Variants in DDRGK1 observed in about 807,000 individuals in gnomAD.
The protein encoded by DDRGK1 is DDRGK domain containing 1, also known as DDRGK domain-containing protein 1.
Under a neutral mutation model 45.8 loss-of-function variants are expected in DDRGK1, and 38 were observed. The ratio of observed to expected loss-of-function variants is 0.83; its 90% CI spans 0.64 to 1.09. The LOEUF is 1.09. DDRGK1 is among the 50% of genes least tolerant of loss of function. DDRGK1 has a pLI of 0.00. For synonymous variants in DDRGK1, 171 were observed against 168.7 expected, an observed-to-expected ratio of 1.01 and a Z score of -0.11; for missense variants, 403 against 419.9, an observed-to-expected ratio of 0.96 and a Z score of 0.35.
chr20:3,200,542 A>G (rs1259309632), intron 2 of DDRGK1, 88 bp from the exon 3 acceptor site: 1 of 1,213,220 alleles, frequency 8.2e-7, no homozygotes, highest in African/African-American at 1.5e-5. Flanking sequence ...CTCCCCTAAC[A>G]GGGGGATCCC....
At chr20:3,194,803 C>G in intron 6 of DDRGK1, 27 bp downstream of exon 6, 1 of 1,614,064 alleles carries the variant, frequency 6.2e-7, no homozygotes. Context: ...GGAGCTGACA[C>G]TCAGGCTCTG....
At chr20:3,191,946 C>T in intron 6 of DDRGK1, 125 bp from the exon 7 acceptor site, 1 of 802,646 alleles carries the variant, frequency 1.2e-6, no homozygotes, top group Non-Finnish European at 2.0e-6. Flanking sequence ...ACTGTACACA[C>T]TCCTGTAGGA....
rs1263038850 is a variant in DDRGK1, at chr20:3,198,711, A to AC, written c.510+1289_510+1290insG. On this transcript the variant is annotated intron_variant, in intron 4 of 8. Transcript: ENST00000354488. ...GTGGAACTCCGTTTCAAAAAAAAAAAAAAAAAAACAAAACAGAAATTCTGA... is the reference window on the plus strand; with the variant it reads ...GTGGAACTCCGTTTCAAAAAAAAAAACAAAAAAAACAAAACAGAAATTCTGA... Among the ~76,000 whole-genome samples the AC allele has an allele frequency of 2.7e-5, 4 of 145,580 alleles. No homozygotes were observed. In the South Asian group the frequency reaches 8.9e-4, roughly 32 times the overall value.
chr20:3,200,983 AC>A lies in DDRGK1; in HGVS notation c.296-530del, dbSNP rs2067035958. Among the ~76,000 whole-genome samples, 18 of 152,080 alleles carry A rather than the reference AC, an allele frequency of 1.2e-4. No homozygotes were observed. In the South Asian group the frequency reaches 3.7e-3, roughly 32 times the overall value. ...AAATTAGCTGGGTGTGGTGGCGGGCACCTGTAGTCCCAGCTACTCAGGAGGC... is the reference window on the plus strand; with the variant it reads ...AAATTAGCTGGGTGTGGTGGCGGGCACTGTAGTCCCAGCTACTCAGGAGGC... On this transcript the variant is annotated intron_variant, in intron 2 of 8. Coordinates refer to ENST00000354488, the MANE Select transcript of DDRGK1 (RefSeq NM_023935.3).
intron 2 of DDRGK1, among the ~76,000 whole-genome samples, chr20:3,202,879 C>T (rs2067046159): frequency 6.6e-6 from 1 of 152,182 alleles, no homozygotes; most frequent in Admixed American, 6.5e-5. Flanking sequence ...AAACTCTTGG[C>T]CAGGCACTCT....
intron 6 of DDRGK1, among the ~76,000 whole-genome samples, chr20:3,192,099 G>C (rs1030357306): frequency 1.5e-5 from 2 of 133,354 alleles, no homozygotes; most frequent in Non-Finnish European, 3.2e-5. Context: ...CTGCCTCATG[G>C]GCCCTGTCCT....
intron 4 of DDRGK1, among the ~76,000 whole-genome samples, chr20:3,198,586 G>A (rs1252540089): frequency 6.7e-6 from 1 of 148,426 alleles, no homozygotes; most frequent in Non-Finnish European, 1.5e-5. Context: ...TGTAATCCCA[G>A]CTACTTGGGA....
intron 6 of DDRGK1, among the ~76,000 whole-genome samples, 176 bp from the exon 7 acceptor site, chr20:3,191,997 ACACT>A (rs939829689): frequency 1.3e-4 from 19 of 146,454 alleles, no homozygotes; most frequent in Admixed American, 4.1e-4. Flanking sequence ...ACACACACAC[ACACT>A]CACTATCACC....
intron 2 of DDRGK1, among the ~76,000 whole-genome samples, chr20:3,200,846 C>G (rs947476028): frequency 3.3e-5 from 5 of 152,088 alleles, no homozygotes; most frequent in Admixed American, 1.3e-4. Context: ...CACGGTGGCT[C>G]ATGCCTGTAA....
In DDRGK1 at chr20:3,203,273, G is replaced by C. The variant is rs200427055; in HGVS notation, c.235C>G (p.Arg79Gly). 2.1e-4 allele frequency: 343 copies of C among 1,606,870 alleles called. 1 individual carries two copies. Among genetic ancestry groups the C allele is most frequent in the Admixed American group, 1.3e-3 (77 of 59,166 alleles). The stretch of plus-strand genomic sequence containing the variant: ...TCTGCCCAGGCCACCCGCTGGGCTC[G>C]ACGCTGGGCCTGTAGGCGGCTGCCC... ...DLGSRLQAQR[R>G]AQRVAWAEAD... The change falls in exon 2 of 9, where the codon CGA becomes GGA. Residue 79 changes from arginine (R) to glycine (G), a missense_variant. By Grantham distance (125) the Arg-to-Gly change is moderately radical. Transcript: ENST00000354488.
At chr20:3,202,483 A>G (rs576696041) in intron 2 of DDRGK1, among the ~76,000 whole-genome samples, 2 of 152,298 alleles carry the variant, frequency 1.3e-5, no homozygotes, top group South Asian at 4.1e-4. Context: ...CCCTTTGCCC[A>G]TCAAACCCTG....
chr20:3,200,147 G>C (rs757570151), intron 3 of DDRGK1, 45 bp from the exon 4 acceptor site: 4 of 1,595,094 alleles, frequency 2.5e-6, no homozygotes, highest in East Asian at 4.5e-5. Flanking sequence ...CCCCCGGCTA[G>C]AGTGTGCCCA....
At chr20:3,196,399 C>CT (rs1568499962) in intron 4 of DDRGK1, among the ~76,000 whole-genome samples, 1 of 152,144 alleles carries the variant, frequency 6.6e-6, no homozygotes, top group East Asian at 1.9e-4. Context: ...GAAAGCTAGC[C>CT]GGGCGTGGTG....
At chr20:3,193,356 A>C (rs2066997276) in intron 6 of DDRGK1, among the ~76,000 whole-genome samples, 1 of 152,192 alleles carries the variant, frequency 6.6e-6, no homozygotes, top group Admixed American at 6.5e-5. Context: ...ATTAGCCAGC[A>C]CAGGCTGGAA....
At chr20:3,201,820 C>G (rs996400552) in intron 2 of DDRGK1, among the ~76,000 whole-genome samples, 6 of 149,698 alleles carry the variant, frequency 4.0e-5, no homozygotes, top group African/African-American at 7.4e-5. Flanking sequence ...ACCATGCCCC[C>G]CTGATTTTTT....
At chr20:3,200,320 G>A in intron 3 of DDRGK1, 22 bp downstream of exon 3, 1 of 1,552,764 alleles carries the variant, frequency 6.4e-7, no homozygotes, top group Non-Finnish European at 8.7e-7. Flanking sequence ...TCCCAGAGCT[G>A]CACCCCATCC....
intron 5 of DDRGK1, 40 bp downstream of exon 5, chr20:3,195,191 A>G: frequency 6.2e-7 from 1 of 1,613,638 alleles, no homozygotes; most frequent in Non-Finnish European, 8.5e-7. Context: ...GGCTGCACTG[A>G]TGGGTGCAGA....
intron 2 of DDRGK1, among the ~76,000 whole-genome samples, chr20:3,201,216 G>A (rs1307919671): frequency 3.0e-4 from 46 of 151,046 alleles, no homozygotes; most frequent in African/African-American, 7.1e-4. Flanking sequence ...CCCAGGAGGC[G>A]GAACTTGCAG....
At chr20:3,191,086 C>G (rs939519226) in intron 8 of DDRGK1, 104 bp downstream of exon 8, 6 of 1,464,514 alleles carry the variant, frequency 4.1e-6, no homozygotes, top group Admixed American at 1.8e-5. Flanking sequence ...CACCCCTCCC[C>G]CCATCTTGGG....
Sources: gnomAD v4.1 joint callset for allele counts (sites outside exome capture counted in the v4.1 genomes callset) on GRCh38, gnomAD v4.1.1 for gene constraint, MANE v1.5 for transcripts, NCBI Gene and HGNC (gene_info 2026-07-23, HGNC 2026-07-21) for gene names.